The following BCO2 variants were observed in gnomAD, a reference collection of about 807,000 sequenced individuals.
The protein encoded by BCO2 is beta-carotene oxygenase 2.
BCO2 carries 56 observed loss-of-function variants against 65.8 expected under a neutral mutation model. The observed-to-expected ratio is 0.85, with a 90% CI of 0.69 to 1.06. The LOEUF (loss-of-function observed/expected upper bound fraction) is 1.06. BCO2 is among the 50% of genes least tolerant of loss of function. BCO2 has a pLI of 0.00. For missense variants in BCO2, 675 were observed against 698.5 expected, an observed-to-expected ratio of 0.97 and a Z score of 0.38; for synonymous variants, 233 against 242.3, an observed-to-expected ratio of 0.96 and a Z score of 0.36.
chr11:112,201,157 A>AT (rs35679954), intron 7 of BCO2, among the ~76,000 whole-genome samples: 111 of 148,052 alleles, frequency 7.5e-4, no homozygotes, highest in African/African-American at 2.4e-3. Flanking sequence ...TTTTTTTGAG[A>AT]TTTTTTTTTT....
At chr11:112,182,217 A>T (rs1867071137) in intron 2 of BCO2, among the ~76,000 whole-genome samples, 1 of 152,120 alleles carries the variant, frequency 6.6e-6, no homozygotes, top group Admixed American at 6.5e-5. Flanking sequence ...GCTGGAGAGG[A>T]TGTGGAGAAA....
chr11:112,193,744 A>G (rs200739595), intron 3 of BCO2, 47 bp downstream of exon 3: 3 of 1,572,358 alleles, frequency 1.9e-6, no homozygotes, highest in Admixed American at 3.5e-5. Flanking sequence ...AACCATCTAT[A>G]CAAACATAAA....
rs766915126 is a variant in BCO2 at position 112,199,782 on chromosome 11, A to G, written c.820A>G (p.Ile274Val). The change falls in exon 6 of 12, where the codon ATT becomes GTT. Residue 274 changes from isoleucine (I) to valine (V), a missense_variant. Transcript: ENST00000357685. Reference sequence around the variant, plus strand: ...CCATGGAGTCCAGGTGATATGTTCTATTGCTTCTACAGAGAAAGGGAAACC... The same window carrying G: ...CCATGGAGTCCAGGTGATATGTTCTGTTGCTTCTACAGAGAAAGGGAAACC... ...TIHGVQVICS[I>V]ASTEKGKPSY... 8.7e-6 allele frequency: 14 copies of G among 1,613,914 alleles called. No homozygotes were observed. Among genetic ancestry groups the G allele is most frequent in the Non-Finnish European group, 3.4e-6 (4 of 1,179,922 alleles).
At chr11:112,188,549 C>T (rs577228864) in intron 2 of BCO2, among the ~76,000 whole-genome samples, 3 of 152,140 alleles carry the variant, frequency 2.0e-5, no homozygotes, top group Non-Finnish European at 2.9e-5. Context: ...ACATTATCAC[C>T]TGCTCCGCCC....
chr11:112,211,482 C>A (rs954033072), intron 8 of BCO2, among the ~76,000 whole-genome samples: 4 of 151,930 alleles, frequency 2.6e-5, no homozygotes, highest in Non-Finnish European at 4.4e-5. Context: ...AGGTATATAT[C>A]TAGAAGTGGA....
Position 112,175,680 on chromosome 11 carries a change from C to G in BCO2, c.79C>G (p.Arg27Gly). The change falls in exon 1 of 12, where the codon CGG (arginine) becomes GGG (glycine). Residue 27 changes from arginine (R) to glycine (G), a missense_variant. Arg to Gly is a moderately radical substitution (Grantham distance 125). Transcript: ENST00000357685. ...AVDFLPVMVH[R>G]LPVFKRYMGN... ...GGATTTCCTTCCTGTGATGGTGCAC[C>G]GGCTCCCAGGTAGAGGGTTTGCCCC... The G allele has an allele frequency of 6.2e-7, 1 of 1,612,926 alleles. No homozygotes were observed. The highest frequency in any genetic ancestry group is 8.5e-7 in the Non-Finnish European group (1 of 1,178,926).
At chr11:112,194,232 G>A in intron 4 of BCO2, 2 of 479,666 alleles carry the variant, frequency 4.2e-6, no homozygotes, top group South Asian at 2.5e-5. Flanking sequence ...GGGTAAAGGA[G>A]AAATAGAAGA....
At chr11:112,177,902 G>A (rs1437536290) in intron 1 of BCO2, among the ~76,000 whole-genome samples, 1 of 117,832 alleles carries the variant, frequency 8.5e-6, no homozygotes, top group Non-Finnish European at 1.7e-5. Flanking sequence ...CCAATTAATG[G>A]AATTTGCTTT....
In BCO2 at chr11:112,214,906, T is replaced by C; in HGVS notation, c.1477T>C (p.Ser493Pro). The change falls in exon 10 of 12, where the codon TCT (serine) becomes CCT (proline). Residue 493 changes from serine (S) to proline (P), a missense_variant. Transcript: ENST00000357685. ...TGGCTTTCGGCATTTAGTGGGGGAT[T>C]CTCTGATCAAGGTTGATGTGGTGAA... ...GCGFRHLVGD[S>P]LIKVDVVNKT... 2 of 1,614,194 alleles carry C rather than the reference T, an allele frequency of 1.2e-6. No individual in the cohort carries two copies. Among genetic ancestry groups the C allele is most frequent in the Non-Finnish European group, 1.7e-6 (2 of 1,180,038 alleles).
intron 8 of BCO2, chr11:112,208,865 A>C (rs1371293267): frequency 5.7e-6 from 1 of 176,548 alleles, no homozygotes; most frequent in Admixed American, 6.5e-5. Flanking sequence ...CTCAAGAAGA[A>C]ATTGAATTTG....
chr11:112,200,982 CT>C (rs1204693307), intron 7 of BCO2, among the ~76,000 whole-genome samples: 1 of 152,040 alleles, frequency 6.6e-6, no homozygotes, highest in African/African-American at 2.4e-5. Context: ...ATGATTTTAT[CT>C]TTTTAATGAT....
At chr11:112,202,448 A>G (rs573402040) in intron 8 of BCO2, among the ~76,000 whole-genome samples, 90 of 152,016 alleles carry the variant, frequency 5.9e-4, no homozygotes, top group Non-Finnish European at 1.3e-4. Context: ...ATGCCCTGCT[A>G]ATTTTTAATT....
At chr11:112,191,160 C>CCT (rs1246422936) in intron 2 of BCO2, among the ~76,000 whole-genome samples, 1 of 151,446 alleles carries the variant, frequency 6.6e-6, no homozygotes, top group Non-Finnish European at 1.5e-5. Flanking sequence ...AGACATTGAC[C>CCT]AGAGACACAA....
intron 2 of BCO2, chr11:112,182,821 G>A (rs1199356771): frequency 2.8e-5 from 18 of 636,030 alleles, no homozygotes; most frequent in Non-Finnish European, 4.4e-5. Context: ...CCGGCACGTG[G>A]TGCACATGTA....
At chr11:112,194,623 TA>T in intron 4 of BCO2, 29 bp from the exon 5 acceptor site, 1 of 1,367,672 alleles carries the variant, frequency 7.3e-7, no homozygotes, top group Non-Finnish European at 1.0e-6. Context: ...ATCTGCCCAT[TA>T]AAAATCTCCA....
intron 2 of BCO2, 62 bp from the exon 3 acceptor site, chr11:112,193,412 C>G (rs967813138): frequency 7.1e-7 from 1 of 1,398,864 alleles, no homozygotes; most frequent in Admixed American, 1.9e-5. Context: ...ATCTATCACT[C>G]TGTCCCTCAT....
At chr11:112,177,199 G>T (rs1224739031) in intron 1 of BCO2, among the ~76,000 whole-genome samples, 9 of 152,164 alleles carry the variant, frequency 5.9e-5, no homozygotes, top group Admixed American at 5.2e-4. Flanking sequence ...GGTGCATAAT[G>T]TTAATAAAAG....
At chr11:112,205,093 T>C (rs1461369012) in intron 8 of BCO2, among the ~76,000 whole-genome samples, 3 of 152,248 alleles carry the variant, frequency 2.0e-5, no homozygotes, top group African/African-American at 4.8e-5. Flanking sequence ...CAGTCAACAA[T>C]AGTTTATTAG....
intron 8 of BCO2, among the ~76,000 whole-genome samples, chr11:112,213,280 A>T (rs897818930): frequency 6.6e-6 from 1 of 150,762 alleles, no homozygotes; most frequent in Non-Finnish European, 1.5e-5. Context: ...AGTAGCTGGG[A>T]TTAGAGGCAT....
Sources: allele counts gnomAD v4.1 joint callset (sites outside exome capture counted in the v4.1 genomes callset), GRCh38; gene constraint gnomAD v4.1.1; transcripts MANE v1.5; gene names NCBI Gene and HGNC (gene_info 2026-07-23, HGNC 2026-07-21).